The following SPAST variants were observed in gnomAD, a reference collection of about 807,000 sequenced individuals.
SPAST encodes spastic paraplegia 4 (autosomal dominant; spastin).
SPAST carries 30 observed loss-of-function variants against 76.6 expected under a neutral mutation model. The observed-to-expected ratio is 0.39, with a 90% CI of 0.29 to 0.53. The LOEUF (loss-of-function observed/expected upper bound fraction) is 0.53. Ranked by LOEUF, SPAST falls within the 20% of genes least tolerant of loss-of-function variation. The pLI, the probability that SPAST is intolerant of heterozygous loss-of-function variation, is 0.68. For synonymous variants in SPAST, 305 were observed against 281.0 expected, an observed-to-expected ratio of 1.09 and a Z score of -0.86; for missense variants, 717 against 770.5, an observed-to-expected ratio of 0.93 and a Z score of 0.82.
intron 8 of SPAST, 150 bp from the exon 9 acceptor site, chr2:32,128,258 G>C: frequency 1.6e-6 from 1 of 634,782 alleles, no homozygotes. Flanking sequence ...GCCTCCGAAA[G>C]TGCTGGGATT....
At chr2:32,083,097 A>G (rs1303497345) in intron 1 of SPAST, among the ~76,000 whole-genome samples, 1 of 151,676 alleles carries the variant, frequency 6.6e-6, no homozygotes, top group Non-Finnish European at 1.5e-5. Flanking sequence ...TCAGCCTCCC[A>G]AGTAGCTGTG....
chr2:32,153,385 C>T (rs189458026), intron 16 of SPAST, among the ~76,000 whole-genome samples: 8 of 142,776 alleles, frequency 5.6e-5, no homozygotes, highest in Non-Finnish European at 7.5e-5. Flanking sequence ...TGCAATGGCA[C>T]GATCTCGGCT....
At chr2:32,092,155 G>A (rs569289726) in intron 3 of SPAST, among the ~76,000 whole-genome samples, 16 of 152,120 alleles carry the variant, frequency 1.1e-4, no homozygotes, top group South Asian at 4.1e-4. Flanking sequence ...ATTTTTGCCC[G>A]CACATAGTTA....
intron 3 of SPAST, among the ~76,000 whole-genome samples, chr2:32,090,324 T>C (rs1036950652): frequency 2.0e-5 from 3 of 152,236 alleles, no homozygotes; most frequent in Non-Finnish European, 2.9e-5. Flanking sequence ...ACATATTTAC[T>C]GTCTGGCCCT....
intron 12 of SPAST, among the ~76,000 whole-genome samples, chr2:32,138,709 T>C (rs1314430384): frequency 1.3e-5 from 2 of 152,220 alleles, no homozygotes; most frequent in Non-Finnish European, 2.9e-5. Flanking sequence ...CAATTGTGTT[T>C]GGGGACTTAG....
chr2:32,098,453 C>A (rs1678001511), intron 3 of SPAST, among the ~76,000 whole-genome samples: 1 of 152,058 alleles, frequency 6.6e-6, no homozygotes, highest in South Asian at 2.1e-4. Context: ...CAGAGCAAGA[C>A]CAAGACCGAT....
intron 16 of SPAST, among the ~76,000 whole-genome samples, chr2:32,151,913 A>G (rs77803601): frequency 7.0e-6 from 1 of 143,038 alleles, no homozygotes; most frequent in Non-Finnish European, 1.5e-5. Flanking sequence ...CTCCATCTCC[A>G]AAAAAAAAAA....
intron 1 of SPAST, among the ~76,000 whole-genome samples, chr2:32,065,737 A>G (rs758376747): frequency 5.9e-5 from 9 of 152,152 alleles, no homozygotes; most frequent in Non-Finnish European, 1.3e-4. Context: ...TCTGCACTTC[A>G]TTCATAGTGT....
At chr2:32,141,695 A>G (rs1039551188) in intron 12 of SPAST, among the ~76,000 whole-genome samples, 1 of 152,272 alleles carries the variant, frequency 6.6e-6, no homozygotes, top group Non-Finnish European at 1.5e-5. Context: ...ATATACATAC[A>G]TAAATGATTA....
At chr2:32,121,053 T>C (rs1679000581) in intron 7 of SPAST, among the ~76,000 whole-genome samples, 1 of 152,232 alleles carries the variant, frequency 6.6e-6, no homozygotes, top group South Asian at 2.1e-4. Flanking sequence ...CAAAGCTTTT[T>C]GGATCTTCTC....
At chr2:32,108,511 T>C (rs185805633) in intron 4 of SPAST, among the ~76,000 whole-genome samples, 13 of 152,198 alleles carry the variant, frequency 8.5e-5, no homozygotes, top group African/African-American at 3.1e-4. Flanking sequence ...TTGTATACTT[T>C]ATTTATATAT....
rs72862256 is a variant in SPAST at position 32,070,593 on chromosome 2, T to C, written c.415+6347T>C. Among the ~76,000 whole-genome samples the C allele has an allele frequency of 5.3e-3, 813 of 152,310 alleles. 5 individuals are homozygous for C. The highest frequency in any genetic ancestry group is 0.018 in the African/African-American group (758 of 41,584). On this transcript the variant is annotated intron_variant, in intron 1 of 16. Coordinates refer to ENST00000315285, the MANE Select transcript of SPAST (RefSeq NM_014946.4). ...TCTCCAGTGAGATGTGTTAAAACAT[T>C]AGTTATGTGATTAACAAATATGTGT...
At position 32,111,789 on chromosome 2, in the gene SPAST, C is replaced by CT. The variant is rs1187458048; in HGVS notation, c.683-2845dup. 2.6e-5 allele frequency among the ~76,000 whole-genome samples: 4 copies of CT among 151,660 alleles called. No homozygotes were observed. In the South Asian group the frequency reaches 8.3e-4, roughly 31 times the overall value. ...ACCCTCATTTTAATGTGACAGGTCACTTTTCTCACCTCAACATTTTGGACA... is the reference window on the plus strand; with the variant it reads ...ACCCTCATTTTAATGTGACAGGTCACTTTTTCTCACCTCAACATTTTGGACA... On this transcript the variant is annotated intron_variant, in intron 4 of 16. Coordinates refer to ENST00000315285, the MANE Select transcript of SPAST (RefSeq NM_014946.4).
rs1236205451 is a variant in SPAST, at chr2:32,142,152, C to G, written c.1536+206C>G. 3.9e-5 allele frequency among the ~76,000 whole-genome samples: 6 copies of G among 152,228 alleles called. No individual in the cohort carries two copies. The East Asian group carries it at 1.2e-3, about 29-fold the overall frequency. The stretch of plus-strand genomic sequence containing the variant: ...AGAGAAACAAAAATGTATGTCCACA[C>G]AAAGACTTGTACAAGAATTTTTATA... On this transcript the variant is annotated intron_variant, in intron 13 of 16. Transcript: ENST00000315285.
rs1677630400 is a variant in SPAST, at chr2:32,089,589, C to G, written c.570C>G (p.Asp190Glu). Reference protein sequence around the residue: ...KMMTNLVMAKDRLQLLEKMQP... With the variant: ...KMMTNLVMAKERLQLLEKMQP... ...TGACTAATTTGGTTATGGCCAAGGA[C>G]CGCTTACAACTTCTAGGTATCAATT... Residue 190 changes from aspartate to glutamate, a missense_variant, in exon 3 of 17, where the codon GAC (aspartate) becomes GAG (glutamate). Asp to Glu is a conservative substitution (Grantham distance 45). Coordinates refer to ENST00000315285, the MANE Select transcript of SPAST (RefSeq NM_014946.4). 1 of 1,574,990 alleles carries G rather than the reference C, an allele frequency of 6.3e-7. No homozygotes were observed. Among genetic ancestry groups the G allele is most frequent in the African/African-American group, 1.4e-5 (1 of 74,062 alleles).
rs913974096 is a variant in SPAST at position 32,082,696 on chromosome 2, CA to C, written c.416-4784del. 6.8e-3 allele frequency among the ~76,000 whole-genome samples: 964 copies of C among 141,532 alleles called. 10 individuals carry two copies. Among genetic ancestry groups the C allele is most frequent in the African/African-American group, 0.023 (876 of 38,896 alleles). The allele number at this position is 141,532 out of a possible 152,430, so 92.9% of individuals were successfully genotyped here. A position where few individuals can be genotyped will look rare whatever the true frequency, so the allele number is the denominator to read the frequency against. On this transcript the variant is annotated intron_variant, in intron 1 of 16. Coordinates refer to ENST00000315285, the MANE Select transcript of SPAST (RefSeq NM_014946.4). ...GGGCAACAAGAGCGAAATTCCATCTCAAAAAAAAAAAATCAGATCTGTCCCT... is the reference window on the plus strand; with the variant it reads ...GGGCAACAAGAGCGAAATTCCATCTCAAAAAAAAAAATCAGATCTGTCCCT...
At chr2:32,083,753 TATATA>T (rs1558620146) in intron 1 of SPAST, among the ~76,000 whole-genome samples, 5 of 66,058 alleles carry the variant, frequency 7.6e-5, no homozygotes, top group African/African-American at 1.8e-4. Context: ...ATATATACTA[TATATA>T]TATATATATA....
At chr2:32,106,317 A>G (rs1678317662) in intron 4 of SPAST, among the ~76,000 whole-genome samples, 1 of 152,186 alleles carries the variant, frequency 6.6e-6, no homozygotes, top group Non-Finnish European at 1.5e-5. Context: ...GGAAAAGCCC[A>G]GTATTAGGGT....
intron 8 of SPAST, 53 bp from the exon 9 acceptor site, chr2:32,128,348 GTTATCTT>G: frequency 8.3e-7 from 1 of 1,200,034 alleles, no homozygotes; most frequent in Non-Finnish European, 1.2e-6. Flanking sequence ...GGTAAATATG[GTTATCTT>G]TTAAATGTAA....
Sources: allele counts gnomAD v4.1 joint callset (sites outside exome capture counted in the v4.1 genomes callset), GRCh38; gene constraint gnomAD v4.1.1; transcripts MANE v1.5; gene names NCBI Gene and HGNC (gene_info 2026-07-23, HGNC 2026-07-21).